Variants in GTF2F2 observed in about 807,000 individuals in gnomAD.
GTF2F2 encodes ATP-dependent helicase GTF2F2.
A neutral mutation model predicts 42.2 loss-of-function variants in GTF2F2; 23 were observed. That is an observed-to-expected ratio of 0.55 (90% CI 0.39 to 0.77). The LOEUF is 0.77. GTF2F2 is among the 30% of genes least tolerant of loss of function. The pLI, the probability that GTF2F2 is intolerant of heterozygous loss-of-function variation, is 0.00. For synonymous variants in GTF2F2, 105 were observed against 100.8 expected (o/e 1.04, Z -0.25); for missense variants, 261 against 287.2 (o/e 0.91, Z 0.66).
intron 1 of GTF2F2, 96 bp from the exon 2 acceptor site, chr13:45,136,637 A>G (rs1869637740): frequency 3.0e-6 from 2 of 673,856 alleles, no homozygotes; most frequent in African/African-American, 1.8e-5. Context: ...ATCCCTTATT[A>G]GAGGCAGAAA....
At chr13:45,165,773 A>G (rs905766996) in intron 4 of GTF2F2, among the ~76,000 whole-genome samples, 3 of 147,996 alleles carry the variant, frequency 2.0e-5, no homozygotes, top group African/African-American at 7.5e-5. Flanking sequence ...CTCAGAGAGC[A>G]TATCATTCCA....
intron 4 of GTF2F2, among the ~76,000 whole-genome samples, chr13:45,200,953 A>G (rs1593488075): frequency 6.6e-6 from 1 of 152,206 alleles, no homozygotes; most frequent in Non-Finnish European, 1.5e-5. Flanking sequence ...AATGTTGGTC[A>G]GTAGTCCTCT....
At chr13:45,189,362 T>TAC (rs890801677) in intron 4 of GTF2F2, among the ~76,000 whole-genome samples, 1 of 152,160 alleles carries the variant, frequency 6.6e-6, no homozygotes, top group African/African-American at 2.4e-5. Context: ...GCAATAAACA[T>TAC]ACGTGTGCAT....
intron 5 of GTF2F2, among the ~76,000 whole-genome samples, chr13:45,223,425 G>A (rs1041857395): frequency 5.3e-5 from 8 of 152,116 alleles, no homozygotes; most frequent in South Asian, 4.2e-4. Flanking sequence ...CAATCCTGTC[G>A]GGTACGCACA....
chr13:45,138,506 A>T (rs574842567), intron 2 of GTF2F2, among the ~76,000 whole-genome samples: 2 of 152,304 alleles, frequency 1.3e-5, no homozygotes, highest in African/African-American at 4.8e-5. Flanking sequence ...AGCCAACCAC[A>T]GAACACGCAG....
At chr13:45,178,230 T>A (rs78322284) in intron 4 of GTF2F2, among the ~76,000 whole-genome samples, 4,342 of 152,018 alleles carry the variant, frequency 0.029, 191 homozygotes, top group African/African-American at 0.092. Context: ...GCCCCTTTTC[T>A]GCTTGTGCTA....
intron 1 of GTF2F2, among the ~76,000 whole-genome samples, chr13:45,135,765 C>T (rs896751046): frequency 6.6e-6 from 1 of 152,146 alleles, no homozygotes; most frequent in African/African-American, 2.4e-5. Context: ...ACTGTCACTC[C>T]AAATTTGTCA....
chr13:45,184,393 CG>C (rs373354728), intron 4 of GTF2F2, among the ~76,000 whole-genome samples: 4,411 of 148,888 alleles, frequency 0.03, 197 homozygotes, highest in African/African-American at 0.086. Flanking sequence ...TATTCCCCCC[CG>C]CCCTTTTTTT....
At chr13:45,162,169 T>C (rs1040413906) in intron 4 of GTF2F2, among the ~76,000 whole-genome samples, 4 of 152,320 alleles carry the variant, frequency 2.6e-5, no homozygotes, top group Non-Finnish European at 5.9e-5. Context: ...ACAGTCTCTT[T>C]AAGTAGGTAA....
chr13:45,217,771 A>C (rs1404874068), intron 5 of GTF2F2, among the ~76,000 whole-genome samples: 1 of 152,228 alleles, frequency 6.6e-6, no homozygotes, highest in East Asian at 1.9e-4. Flanking sequence ...CACAGTTGAA[A>C]ATCAACAGGG....
At chr13:45,147,528 A>ATT (rs1870256644) in intron 2 of GTF2F2, among the ~76,000 whole-genome samples, 1 of 152,134 alleles carries the variant, frequency 6.6e-6, no homozygotes, top group South Asian at 2.1e-4. Context: ...GTCATGCTGA[A>ATT]TTGGGGGCCA....
chr13:45,221,990 C>A (rs2138205702), intron 5 of GTF2F2, among the ~76,000 whole-genome samples: 1 of 152,200 alleles, frequency 6.6e-6, no homozygotes, highest in South Asian at 2.1e-4. Flanking sequence ...TATGGAACCT[C>A]CTCAGATGGG....
chr13:45,258,966 G>A (rs189272570), intron 6 of GTF2F2, among the ~76,000 whole-genome samples: 8 of 152,264 alleles, frequency 5.3e-5, no homozygotes, highest in Middle Eastern at 3.4e-3. Context: ...TGTGAACATC[G>A]TATCTAGCCT....
intron 7 of GTF2F2, among the ~76,000 whole-genome samples, chr13:45,272,343 A>T (rs1876826897): frequency 6.6e-6 from 1 of 150,728 alleles, no homozygotes; most frequent in African/African-American, 2.4e-5. Flanking sequence ...TAATAGAAGG[A>T]CCAATGATCT....
intron 5 of GTF2F2, among the ~76,000 whole-genome samples, chr13:45,230,612 A>T (rs1874626254): frequency 6.6e-6 from 1 of 152,236 alleles, no homozygotes; most frequent in Admixed American, 6.5e-5. Flanking sequence ...TGGTAGTTTT[A>T]TGAAAAGTCT....
At chr13:45,178,347 A>C (rs4444229) in intron 4 of GTF2F2, among the ~76,000 whole-genome samples, 1 of 113,312 alleles carries the variant, frequency 8.8e-6, no homozygotes, top group Non-Finnish European at 1.8e-5. Flanking sequence ...TATGCTTCTT[A>C]TTTTTTATTT....
chr13:45,273,888 C>G (rs1876911343), intron 7 of GTF2F2, among the ~76,000 whole-genome samples: 1 of 152,094 alleles, frequency 6.6e-6, no homozygotes, highest in Non-Finnish European at 1.5e-5. Context: ...GCTAGAAAGA[C>G]TTGGTTTTGG....
At chr13:45,141,167 G>C (rs890750515) in intron 2 of GTF2F2, among the ~76,000 whole-genome samples, 15 of 152,100 alleles carry the variant, frequency 9.9e-5, no homozygotes, top group African/African-American at 3.6e-4. Flanking sequence ...TTGGGAGGAG[G>C]GGGAAAATAT....
chr13:45,274,787 A>ATGTGCCTGG (rs1876957317), intron 7 of GTF2F2, among the ~76,000 whole-genome samples: 2 of 152,064 alleles, frequency 1.3e-5, no homozygotes, highest in Non-Finnish European at 2.9e-5. Context: ...CACAAAAAAC[A>ATGTGCCTGG]CAAAAATTAG....
Sources: gnomAD v4.1 joint callset for allele counts (sites outside exome capture counted in the v4.1 genomes callset) on GRCh38, gnomAD v4.1.1 for gene constraint, MANE v1.5 for transcripts, NCBI Gene and HGNC (gene_info 2026-07-23, HGNC 2026-07-21) for gene names.